Variants in MYO1D observed in about 807,000 individuals in gnomAD.
The protein encoded by MYO1D is myosin ID.
Under a neutral mutation model 122.0 loss-of-function variants are expected in MYO1D, and 83 were observed. The observed-to-expected ratio is 0.68, with a 90% confidence interval of 0.57 to 0.82. MYO1D has a LOEUF of 0.82. MYO1D is among the 40% of genes least tolerant of loss of function. The pLI, the probability that MYO1D is intolerant of heterozygous loss-of-function variation, is 0.00. For synonymous variants in MYO1D, 464 were observed against 446.9 expected, an observed-to-expected ratio of 1.04 and a Z score of -0.48; for missense variants, 1,157 against 1,269.5, an observed-to-expected ratio of 0.91 and a Z score of 1.35.
chr17:32,554,622 T>C (rs1597894412), intron 21 of MYO1D, among the ~76,000 whole-genome samples: 1 of 151,990 alleles, frequency 6.6e-6, no homozygotes, highest in South Asian at 2.1e-4. Flanking sequence ...AAACTTTTGT[T>C]GAAAAAAGAA....
At chr17:32,619,413 C>G (rs1372551534) in intron 20 of MYO1D, among the ~76,000 whole-genome samples, 1 of 152,206 alleles carries the variant, frequency 6.6e-6, no homozygotes, top group African/African-American at 2.4e-5. Context: ...CACACAAACT[C>G]TGTCCCACCT....
chr17:32,652,073 G>C lies in MYO1D; in HGVS notation c.2595+1770C>G, dbSNP rs558301720. Among the ~76,000 whole-genome samples, 4 of 152,210 alleles carry C rather than the reference G, an allele frequency of 2.6e-5. No individual in the cohort carries two copies. The East Asian group carries it at 7.7e-4, about 29-fold the overall frequency. On this transcript the variant is annotated intron_variant, in intron 19 of 21. Coordinates refer to ENST00000318217, the MANE Select transcript of MYO1D (RefSeq NM_015194.3). ...CACATTTTTTCCAGTTTTTCTGGCTGTTACAATGTACAAACCTGTACATCT... is the reference window on the plus strand; with the variant it reads ...CACATTTTTTCCAGTTTTTCTGGCTCTTACAATGTACAAACCTGTACATCT...
intron 1 of MYO1D, among the ~76,000 whole-genome samples, chr17:32,872,857 C>A (rs1328866916): frequency 6.6e-6 from 1 of 151,406 alleles, no homozygotes; most frequent in Admixed American, 6.6e-5. Flanking sequence ...CCACCGCGCC[C>A]GGCTAATTTT....
intron 16 of MYO1D, among the ~76,000 whole-genome samples, chr17:32,661,502 A>C (rs896582851): frequency 7.9e-5 from 12 of 152,076 alleles, no homozygotes; most frequent in African/African-American, 2.9e-4. Flanking sequence ...AAAATACAGA[A>C]AAATTAGCCA....
chr17:32,738,903 T>A (rs990151727), intron 13 of MYO1D, among the ~76,000 whole-genome samples: 2 of 152,212 alleles, frequency 1.3e-5, no homozygotes, highest in African/African-American at 4.8e-5. Context: ...TAACCATTTT[T>A]ATATTGTCCC....
At chr17:32,652,648 C>T (rs1256069176) in intron 19 of MYO1D, among the ~76,000 whole-genome samples, 3 of 151,812 alleles carry the variant, frequency 2.0e-5, no homozygotes, top group Non-Finnish European at 4.4e-5. Context: ...AGACTAGCTA[C>T]GTCCTTTGCC....
At chr17:32,740,974 GAC>G (rs373058435) in intron 13 of MYO1D, among the ~76,000 whole-genome samples, 18 of 151,972 alleles carry the variant, frequency 1.2e-4, no homozygotes, top group African/African-American at 4.3e-4. Context: ...CATTTACACA[GAC>G]ACACACAGAC....
At chr17:32,658,112 A>G (rs1267836686) in intron 17 of MYO1D, among the ~76,000 whole-genome samples, 2 of 152,184 alleles carry the variant, frequency 1.3e-5, no homozygotes, top group East Asian at 3.9e-4. Flanking sequence ...ATAATTCTGT[A>G]TTTTTTCTTC....
intron 1 of MYO1D, among the ~76,000 whole-genome samples, chr17:32,847,257 A>G (rs2090946795): frequency 6.6e-6 from 1 of 152,236 alleles, no homozygotes; most frequent in African/African-American, 2.4e-5. Flanking sequence ...ACCAAAAACT[A>G]TCATGCAATT....
chr17:32,832,981 G>A (rs985253825), intron 1 of MYO1D, among the ~76,000 whole-genome samples: 3 of 152,166 alleles, frequency 2.0e-5, no homozygotes, highest in Non-Finnish European at 4.4e-5. Flanking sequence ...GTACTCCCCC[G>A]AGTCTCGGGT....
At chr17:32,592,012 A>T (rs1326640611) in intron 21 of MYO1D, among the ~76,000 whole-genome samples, 2 of 152,248 alleles carry the variant, frequency 1.3e-5, no homozygotes, top group African/African-American at 4.8e-5. Context: ...CAAGTATTTA[A>T]TCATGTTTGT....
intron 14 of MYO1D, among the ~76,000 whole-genome samples, chr17:32,735,585 TCTCA>T (rs1187265281): frequency 8.0e-6 from 1 of 124,986 alleles, no homozygotes; most frequent in Non-Finnish European, 1.8e-5. Flanking sequence ...GCTTCTGCAT[TCTCA>T]CTAACATTTT....
At chr17:32,577,212 T>C (rs946847398) in intron 21 of MYO1D, among the ~76,000 whole-genome samples, 5 of 142,184 alleles carry the variant, frequency 3.5e-5, no homozygotes, top group Admixed American at 6.9e-5. Context: ...CATCGCACCA[T>C]TGCACTCCAG....
intron 16 of MYO1D, among the ~76,000 whole-genome samples, chr17:32,686,990 CACACACACACACACA>C (rs1567949144): frequency 1.3e-5 from 2 of 150,594 alleles, no homozygotes; most frequent in African/African-American, 4.9e-5. Context: ...CACACACACA[CACACACACACACACA>C]CCAAAAAACA....
At chr17:32,595,390 GA>G (rs1322520686) in intron 21 of MYO1D, among the ~76,000 whole-genome samples, 1 of 152,064 alleles carries the variant, frequency 6.6e-6, no homozygotes, top group Non-Finnish European at 1.5e-5. Flanking sequence ...TAATTACCTT[GA>G]TTTGATCATT....
At chr17:32,658,322 T>C (rs1185595125) in intron 17 of MYO1D, among the ~76,000 whole-genome samples, 1 of 152,218 alleles carries the variant, frequency 6.6e-6, no homozygotes, top group African/African-American at 2.4e-5. Context: ...CAAAGTGTTC[T>C]TTATGGAGTA....
intron 21 of MYO1D, among the ~76,000 whole-genome samples, chr17:32,544,494 T>G (rs1422835998): frequency 6.6e-6 from 1 of 152,204 alleles, no homozygotes; most frequent in Non-Finnish European, 1.5e-5. Flanking sequence ...TGGTATATTT[T>G]AAAGGAATCT....
intron 1 of MYO1D, among the ~76,000 whole-genome samples, chr17:32,852,409 G>T (rs1598156138): frequency 6.6e-6 from 1 of 152,164 alleles, no homozygotes; most frequent in Admixed American, 6.6e-5. Context: ...TTACAGGCAT[G>T]ACCACTGTGC....
intron 21 of MYO1D, among the ~76,000 whole-genome samples, chr17:32,534,687 T>C (rs1038677886): frequency 3.3e-5 from 5 of 152,184 alleles, no homozygotes; most frequent in African/African-American, 1.2e-4. Flanking sequence ...CGGCGGAAGC[T>C]TCTGCTGATG....
Sources: allele counts gnomAD v4.1 joint callset (sites outside exome capture counted in the v4.1 genomes callset), GRCh38; gene constraint gnomAD v4.1.1; transcripts MANE v1.5; gene names NCBI Gene and HGNC (gene_info 2026-07-23, HGNC 2026-07-21).